BICD1: variants seen among roughly 807,000 people sequenced by gnomAD.
BICD1 encodes BICD cargo adaptor 1, also known as protein bicaudal D homolog 1.
In BICD1, 35 loss-of-function variants were observed where a neutral mutation model predicts 92.5. That is an observed-to-expected ratio of 0.38 (90% CI 0.29 to 0.50). The LOEUF (loss-of-function observed/expected upper bound fraction) is 0.50, where lower values mean the gene tolerates loss of function less well. BICD1 is among the 20% of genes least tolerant of loss of function. BICD1 has a pLI of 0.93. For synonymous variants in BICD1, 429 were observed against 465.1 expected, an observed-to-expected ratio of 0.92 and a Z score of 1.00; for missense variants, 950 against 1,189.8, an observed-to-expected ratio of 0.80 and a Z score of 2.97.
intron 2 of BICD1, among the ~76,000 whole-genome samples, chr12:32,273,411 G>C (rs1947193190): frequency 6.6e-6 from 1 of 152,140 alleles, no homozygotes; most frequent in South Asian, 2.1e-4. Flanking sequence ...GACACAGAGG[G>C]GGCTGAGACT....
At chr12:32,165,181 T>A (rs1424113181) in intron 1 of BICD1, among the ~76,000 whole-genome samples, 1 of 152,128 alleles carries the variant, frequency 6.6e-6, no homozygotes, top group East Asian at 1.9e-4. Flanking sequence ...AAGAGATATT[T>A]GAAAAGAGAT....
chr12:32,175,767 A>G (rs935894321), intron 1 of BICD1, among the ~76,000 whole-genome samples: 24 of 152,226 alleles, frequency 1.6e-4, no homozygotes, highest in Middle Eastern at 3.2e-3. Flanking sequence ...TTAGTATTCA[A>G]TAATTTTTAG....
In BICD1 at chr12:32,337,397, C is replaced by T. The variant is rs1938175573; in HGVS notation, c.2253-102C>T. 2 of 1,084,498 alleles carry T rather than the reference C, an allele frequency of 1.8e-6. No homozygotes were observed. The highest frequency in any genetic ancestry group is 4.7e-5 in the Admixed American group (2 of 42,346). The allele number at this position is 1,084,498 out of a possible 1,614,324, so 67.2% of individuals were successfully genotyped here. On this transcript the variant is annotated intron_variant, in intron 6 of 9. Coordinates refer to ENST00000652176, the MANE Select transcript of BICD1 (RefSeq NM_001714.4). The surrounding 1 kb of genome is among the most constrained non-coding windows in gnomAD (Gnocchi z 4.7). ...ATTGCTAGACCTTTAAACCAGTCTT[C>T]TAAATTTCTAAATTTCGGTCAAATT...
intron 8 of BICD1, among the ~76,000 whole-genome samples, chr12:32,350,452 G>C (rs572414440): frequency 6.6e-6 from 1 of 152,276 alleles, no homozygotes; most frequent in East Asian, 1.9e-4. Context: ...ACTCTAGCCT[G>C]GGTGACAGTG....
At position 32,339,255 on chromosome 12, in the gene BICD1, G is replaced by A. The variant is rs899396815; in HGVS notation, c.2764+276G>A. 1.2e-5 allele frequency: 14 copies of A among 1,137,722 alleles called. No homozygotes were observed. In the African/African-American group the frequency reaches 1.5e-4, roughly 12 times the overall value. 70.5% of individuals were successfully genotyped at this position (1,137,722 alleles called of 1,614,324 possible). On this transcript the variant is annotated intron_variant, in intron 8 of 9. Transcript: ENST00000652176. ...AAGGGAAATTAGCAACAAGCACAAC[G>A]CACACACACTTGGATCCTATTTGCA... is the stretch of plus-strand genomic sequence containing the variant.
At position 32,192,453 on chromosome 12, in the gene BICD1, A is replaced by AATAAATAAATAG. The variant is rs150682949; in HGVS notation, c.214-23791_214-23790insAATAAATAGATA. Among the ~76,000 whole-genome samples, 52 of 149,178 alleles carry AATAAATAAATAG rather than the reference A, an allele frequency of 3.5e-4. 1 individual carries two copies. Among genetic ancestry groups the AATAAATAAATAG allele is most frequent in the African/African-American group, 1.2e-3 (50 of 40,134 alleles). On this transcript the variant is annotated intron_variant, in intron 1 of 9. Transcript: ENST00000652176. ...TGTTAAATAAATAAATAAATAAATA[A>AATAAATAAATAG]ATAGATAGATAGATAGATAGATAGA...
At chr12:32,195,003 C>T (rs146353603) in intron 1 of BICD1, among the ~76,000 whole-genome samples, 1,951 of 146,290 alleles carry the variant, frequency 0.013, 34 homozygotes, top group African/African-American at 0.047. Context: ...AAGGCTGGGG[C>T]AGAAGGATTG....
chr12:32,272,488 G>A (rs1056178836), intron 2 of BICD1, among the ~76,000 whole-genome samples: 1 of 152,126 alleles, frequency 6.6e-6, no homozygotes, highest in South Asian at 2.1e-4. Flanking sequence ...ATCTAAATGG[G>A]TCCAGGTGCT....
At chr12:32,341,418 C>T (rs957216563) in intron 8 of BICD1, among the ~76,000 whole-genome samples, 12 of 149,452 alleles carry the variant, frequency 8.0e-5, no homozygotes, top group African/African-American at 2.7e-4. Flanking sequence ...GAACCGAGAT[C>T]GCACCACTAC....
At chr12:32,334,799 T>C in intron 6 of BICD1, 132 bp downstream of exon 6, 1 of 996,554 alleles carries the variant, frequency 1.0e-6, no homozygotes, top group South Asian at 2.4e-5. Flanking sequence ...AGAAAATCTG[T>C]GGAAGTCCAC....
At chr12:32,122,005 A>T (rs1035878005) in intron 1 of BICD1, among the ~76,000 whole-genome samples, 1 of 151,984 alleles carries the variant, frequency 6.6e-6, no homozygotes, top group South Asian at 2.1e-4. Context: ...TTGTAGAGAC[A>T]GTGTCTCACA....
At chr12:32,231,883 C>T (rs1163318675) in intron 2 of BICD1, among the ~76,000 whole-genome samples, 2 of 151,716 alleles carry the variant, frequency 1.3e-5, no homozygotes, top group Non-Finnish European at 2.9e-5. Context: ...TGATGGTTTC[C>T]AATTTCATCC....
intron 9 of BICD1, 150 bp downstream of exon 9, chr12:32,367,895 C>T: frequency 1.5e-6 from 1 of 677,318 alleles, no homozygotes; most frequent in East Asian, 2.8e-5. Flanking sequence ...CATTGGACAC[C>T]TGCAGTCCCT....
chr12:32,173,476 A>G (rs1281057637), intron 1 of BICD1, among the ~76,000 whole-genome samples: 2 of 152,220 alleles, frequency 1.3e-5, no homozygotes, highest in African/African-American at 4.8e-5. Context: ...AGCTGAGGTA[A>G]GCGTGATGTT....
At chr12:32,223,087 A>G (rs1945582386) in intron 2 of BICD1, among the ~76,000 whole-genome samples, 1 of 152,238 alleles carries the variant, frequency 6.6e-6, no homozygotes, top group Non-Finnish European at 1.5e-5. Flanking sequence ...CATTCAGTTA[A>G]AGACATCAGC....
At position 32,109,232 on chromosome 12, in the gene BICD1, A is replaced by C. The variant is rs538448099; in HGVS notation, c.213+1688A>C. 4 of 152,398 alleles carry C rather than the reference A, an allele frequency of 2.6e-5. No individual in the cohort carries two copies. In the East Asian group the frequency reaches 7.7e-4, roughly 29 times the overall value. The allele number at this position is 152,398 out of a possible 1,614,324, so 9.4% of individuals were successfully genotyped here. A position where few individuals can be genotyped will look rare whatever the true frequency, so the allele number is the denominator to read the frequency against. On this transcript the variant is annotated intron_variant, in intron 1 of 9. Coordinates refer to ENST00000652176, the MANE Select transcript of BICD1 (RefSeq NM_001714.4). ...GCCTTTGCTACACCATGAGCTTTGC[A>C]TCCCAAGTCTTTAACACAAAAGCTA...
intron 4 of BICD1, among the ~76,000 whole-genome samples, chr12:32,307,986 G>A (rs1406114641): frequency 1.3e-5 from 2 of 152,186 alleles, no homozygotes; most frequent in Non-Finnish European, 2.9e-5. Flanking sequence ...AATAGGAAAA[G>A]AGGCTTCTAT....
intron 4 of BICD1, among the ~76,000 whole-genome samples, chr12:32,310,365 G>T (rs1647420718): frequency 6.6e-6 from 1 of 152,168 alleles, no homozygotes; most frequent in African/African-American, 2.4e-5. Context: ...TGTGGGAGAG[G>T]CAATCGGTCA....
chr12:32,182,000 A>G (rs1944284790), intron 1 of BICD1, among the ~76,000 whole-genome samples: 2 of 151,986 alleles, frequency 1.3e-5, no homozygotes, highest in Admixed American at 1.3e-4. Context: ...ACAAAGACTA[A>G]CATTGCAGCT....
Sources: gnomAD v4.1 joint callset for allele counts (sites outside exome capture counted in the v4.1 genomes callset) on GRCh38, gnomAD v4.1.1 for gene constraint, Gnocchi (gnomAD v3.1) non-coding constraint, MANE v1.5 for transcripts, NCBI Gene and HGNC (gene_info 2026-07-23, HGNC 2026-07-21) for gene names.